STARD6: variants seen among roughly 807,000 people sequenced by gnomAD.
The protein encoded by STARD6 is stAR-related lipid transfer protein 6.
In STARD6, 21 loss-of-function variants were observed where a neutral mutation model predicts 22.3. The ratio of observed to expected loss-of-function variants is 0.94; its 90% confidence interval spans 0.67 to 1.35. STARD6 has a LOEUF of 1.35. Among genes scored for constraint, STARD6 ranks in the 40% most tolerant of loss-of-function variants. The pLI is 0.00. For missense variants in STARD6, 269 were observed against 266.9 expected (o/e 1.01, Z -0.05); for synonymous variants, 80 against 88.1 (o/e 0.91, Z 0.52).
chr18:54,356,310 T>C (rs1450315871), intron 2 of STARD6, 51 bp downstream of exon 2: 1 of 152,260 alleles, frequency 6.6e-6, no homozygotes, highest in Non-Finnish European at 1.5e-5. Context: ...AAAGTTTTAG[T>C]AAACCATTAT....
intron 4 of STARD6, among the ~76,000 whole-genome samples, chr18:54,349,857 G>C (rs1224499264): frequency 6.6e-6 from 1 of 152,148 alleles, no homozygotes; most frequent in Non-Finnish European, 1.5e-5. Flanking sequence ...TAACTGAGTA[G>C]TGTTCCATAG....
At chr18:54,354,357 T>TTAGCCTCCTG (rs2089124594) in intron 3 of STARD6, 127 bp downstream of exon 3, 1 of 784,742 alleles carries the variant, frequency 1.3e-6, no homozygotes, top group African/African-American at 1.7e-5. Flanking sequence ...GCCTCCTGAG[T>TTAGCCTCCTG]AGCTGGGACT....
At chr18:54,326,298 G>T (rs1041378662) in intron 7 of STARD6, among the ~76,000 whole-genome samples, 24 of 149,836 alleles carry the variant, frequency 1.6e-4, no homozygotes, top group Admixed American at 2.7e-4. Context: ...AAAACTTAAG[G>T]ATCTAATTGA....
At chr18:54,351,462 G>A (rs1401538168) in intron 4 of STARD6, among the ~76,000 whole-genome samples, 2 of 152,054 alleles carry the variant, frequency 1.3e-5, no homozygotes, top group Non-Finnish European at 2.9e-5. Flanking sequence ...GATTGCTCTG[G>A]CTAGGACTTC....
At chr18:54,335,121 T>C (rs928633228) in intron 5 of STARD6, among the ~76,000 whole-genome samples, 15 of 152,170 alleles carry the variant, frequency 9.9e-5, no homozygotes, top group African/African-American at 3.6e-4. Context: ...TGAATTTTAA[T>C]ACATTAATGG....
chr18:54,356,804 C>G (rs1049705028), intron 1 of STARD6, among the ~76,000 whole-genome samples: 1 of 152,162 alleles, frequency 6.6e-6, no homozygotes, highest in African/African-American at 2.4e-5. Flanking sequence ...TCTTGATTTC[C>G]TATTGGAAAC....
chr18:54,331,946 A>G, intron 5 of STARD6, 87 bp from the exon 6 acceptor site: 7 of 858,840 alleles, frequency 8.2e-6, no homozygotes, highest in Non-Finnish European at 1.2e-5. Flanking sequence ...ATTGCATATG[A>G]TTGGCCTCTA....
chr18:54,331,558 T>C (rs1294349619), intron 6 of STARD6, among the ~76,000 whole-genome samples, 184 bp downstream of exon 6: 3 of 152,192 alleles, frequency 2.0e-5, no homozygotes, highest in African/African-American at 7.2e-5. Flanking sequence ...TTGACCATTA[T>C]ATAAATGGCA....
intron 4 of STARD6, among the ~76,000 whole-genome samples, chr18:54,339,345 C>A (rs1356945596): frequency 1.3e-5 from 2 of 151,566 alleles, no homozygotes; most frequent in East Asian, 3.9e-4. Context: ...AAAATTTCTA[C>A]AAATTTGTAG....
chr18:54,352,250 G>A (rs1194891861), intron 4 of STARD6, among the ~76,000 whole-genome samples: 1 of 151,690 alleles, frequency 6.6e-6, no homozygotes, highest in Non-Finnish European at 1.5e-5. Flanking sequence ...GTTCACAGTA[G>A]CCCTGAATGA....
At chr18:54,326,892 G>A (rs1486610923) in intron 7 of STARD6, among the ~76,000 whole-genome samples, 1 of 152,076 alleles carries the variant, frequency 6.6e-6, no homozygotes, top group Non-Finnish European at 1.5e-5. Context: ...GATATTGAAT[G>A]CTGTCTTATT....
chr18:54,352,084 T>C (rs903885474), intron 4 of STARD6, among the ~76,000 whole-genome samples: 4 of 151,904 alleles, frequency 2.6e-5, no homozygotes, highest in African/African-American at 9.7e-5. Context: ...GACTTTTTTG[T>C]TGGCAATTTA....
In STARD6 at chr18:54,350,599, A is replaced by C. The variant is rs61030119; in HGVS notation, c.140+3455T>G. 4.6e-3 allele frequency among the ~76,000 whole-genome samples: 693 copies of C among 152,122 alleles called. 2 individuals carry two copies. The highest frequency in any genetic ancestry group is 0.016 in the African/African-American group (668 of 41,498). ...GAGTTTTCCCAATGTTATTTTCTAGAGTTTTTATGGTTTCAGGTCTTAGAT... is the reference window on the plus strand; with the variant it reads ...GAGTTTTCCCAATGTTATTTTCTAGCGTTTTTATGGTTTCAGGTCTTAGAT... On this transcript the variant is annotated intron_variant, in intron 4 of 7. Coordinates refer to ENST00000307844, the MANE Select transcript of STARD6 (RefSeq NM_139171.2).
At chr18:54,345,250 A>T (rs538833669) in intron 4 of STARD6, among the ~76,000 whole-genome samples, 3 of 152,314 alleles carry the variant, frequency 2.0e-5, no homozygotes, top group South Asian at 2.1e-4. Flanking sequence ...AAAATTTTTT[A>T]AAAGTAATTC....
At chr18:54,329,479 A>G in intron 6 of STARD6, 39 bp from the exon 7 acceptor site, 1 of 1,477,120 alleles carries the variant, frequency 6.8e-7, no homozygotes, top group Non-Finnish European at 9.2e-7. Context: ...ACCTATTCAC[A>G]AAGAGGAAAA....
intron 2 of STARD6, among the ~76,000 whole-genome samples, chr18:54,355,384 G>C (rs1278677040): frequency 6.6e-6 from 1 of 152,232 alleles, no homozygotes; most frequent in Non-Finnish European, 1.5e-5. Context: ...AACTGCAATG[G>C]ACTGAATGTT....
intron 2 of STARD6, 75 bp downstream of exon 2, chr18:54,356,286 G>C (rs1186708764): frequency 2.0e-5 from 3 of 152,186 alleles, no homozygotes; most frequent in African/African-American, 7.2e-5. Context: ...GTAGTTGATA[G>C]TCTCTATATT....
intron 4 of STARD6, among the ~76,000 whole-genome samples, chr18:54,339,479 T>TAAAAAAAAAAAA (rs34972454): frequency 7.0e-6 from 1 of 141,850 alleles, no homozygotes. Flanking sequence ...TGAAAGCAGT[T>TAAAAAAAAAAAA]AAAAAAAAAA....
chr18:54,351,604 C>A (rs968135180), intron 4 of STARD6, among the ~76,000 whole-genome samples: 2 of 152,098 alleles, frequency 1.3e-5, no homozygotes, highest in African/African-American at 4.8e-5. Context: ...GCTTTTACTT[C>A]TTTGAGGTAA....
Sources: allele counts gnomAD v4.1 joint callset (sites outside exome capture counted in the v4.1 genomes callset), GRCh38; gene constraint gnomAD v4.1.1; transcripts MANE v1.5; gene names NCBI Gene and HGNC (gene_info 2026-07-23, HGNC 2026-07-21).